The following DACH2 variants were observed in gnomAD, a reference collection of about 807,000 sequenced individuals.
The protein encoded by DACH2 is dachshund family transcription factor 2, also known as dachshund homolog 2.
A neutral mutation model predicts 35.8 loss-of-function variants in DACH2; 17 were observed. That is an observed-to-expected ratio of 0.48 (90% CI 0.33 to 0.71). The LOEUF (loss-of-function observed/expected upper bound fraction) is 0.71, where lower values mean the gene tolerates loss of function less well. DACH2 is among the 30% of genes least tolerant of loss of function. DACH2 has a pLI of 0.02. For missense variants in DACH2, 469 were observed against 472.7 expected (o/e 0.99, Z 0.07); for synonymous variants, 195 against 177.3 (o/e 1.10, Z -0.79).
chrX:86,404,734 C>T (rs1471647253), intron 2 of DACH2, among the ~76,000 whole-genome samples: 1 of 112,226 alleles, frequency 8.9e-6, no homozygotes, highest in African/African-American at 3.2e-5. Flanking sequence ...AGTCAGTGCC[C>T]CTGTGGAAAC....
intron 1 of DACH2, among the ~76,000 whole-genome samples, chrX:86,252,989 G>GATGATATGATT (rs762824906): frequency 1.2e-4 from 13 of 110,904 alleles, no homozygotes; most frequent in African/African-American, 3.9e-4. Context: ...ACTGTTTGCA[G>GATGATATGATT]ATGATATGAT....
intron 2 of DACH2, among the ~76,000 whole-genome samples, chrX:86,392,040 T>C (rs1349173562): frequency 9.0e-6 from 1 of 111,170 alleles, no homozygotes; most frequent in African/African-American, 3.3e-5. Context: ...GTTTGTTACA[T>C]AAGTATGCAT....
chrX:86,316,921 C>T (rs1393909208), intron 1 of DACH2, among the ~76,000 whole-genome samples: 2 of 109,999 alleles, frequency 1.8e-5, no homozygotes, highest in Non-Finnish European at 3.8e-5. Flanking sequence ...AGTTCAATAC[C>T]ACCCTGGCCA....
At chrX:86,192,609 A>G (rs1291191348) in intron 1 of DACH2, among the ~76,000 whole-genome samples, 1 of 112,062 alleles carries the variant, frequency 8.9e-6, no homozygotes, top group Non-Finnish European at 1.9e-5. Context: ...CATTGTTGCT[A>G]TAAATTGTTA....
intron 5 of DACH2, among the ~76,000 whole-genome samples, chrX:86,710,652 A>G (rs2041268492): frequency 8.9e-6 from 1 of 111,948 alleles, no homozygotes; most frequent in African/African-American, 3.2e-5. Context: ...CATTAACATG[A>G]GTGAAGGCTA....
intron 1 of DACH2, among the ~76,000 whole-genome samples, chrX:86,225,557 C>A (rs1189538682): frequency 9.1e-6 from 1 of 110,458 alleles, no homozygotes; most frequent in African/African-American, 3.3e-5. Context: ...ATGTGATTAT[C>A]TTTTGCTTCA....
intron 3 of DACH2, among the ~76,000 whole-genome samples, chrX:86,557,015 G>C (rs1328852345): frequency 9.2e-6 from 1 of 108,204 alleles, no homozygotes; most frequent in Admixed American, 1.0e-4. Flanking sequence ...AGAACTGAAG[G>C]GGGCTGCTGG....
chrX:86,229,942 A>T (rs2032912669), intron 1 of DACH2, among the ~76,000 whole-genome samples: 1 of 110,769 alleles, frequency 9.0e-6, no homozygotes, highest in East Asian at 2.8e-4. Flanking sequence ...CTTTTTACTG[A>T]TTTGGATGCC....
intron 1 of DACH2, among the ~76,000 whole-genome samples, chrX:86,247,543 A>G (rs2033311173): frequency 1.8e-5 from 2 of 111,712 alleles, no homozygotes; most frequent in African/African-American, 6.5e-5. Context: ...GAAACATACA[A>G]CTTCTCAAGA....
At chrX:86,499,393 G>A (rs755704096) in intron 2 of DACH2, among the ~76,000 whole-genome samples, 19 of 111,603 alleles carry the variant, frequency 1.7e-4, no homozygotes, top group Non-Finnish European at 1.9e-5. Context: ...AAACTGATCA[G>A]TATGGAGGCA....
At chrX:86,794,626 A>T (rs2042217828) in intron 7 of DACH2, among the ~76,000 whole-genome samples, 1 of 111,697 alleles carries the variant, frequency 9.0e-6, no homozygotes, top group African/African-American at 3.2e-5. Flanking sequence ...GACAATGTTT[A>T]AAAAGCTACA....
At chrX:86,633,246 A>T (rs1175075254) in intron 3 of DACH2, among the ~76,000 whole-genome samples, 1 of 111,652 alleles carries the variant, frequency 9.0e-6, no homozygotes, top group Non-Finnish European at 1.9e-5. Flanking sequence ...CCAAATAAAC[A>T]TAATTAAAAA....
At chrX:86,491,705 G>A (rs908127652) in intron 2 of DACH2, among the ~76,000 whole-genome samples, 5 of 111,549 alleles carry the variant, frequency 4.5e-5, no homozygotes, top group African/African-American at 1.6e-4. Context: ...TGTTCTCAAT[G>A]TTTAAGAAAG....
chrX:86,434,367 T>A (rs1465857352), intron 2 of DACH2, among the ~76,000 whole-genome samples: 2 of 111,779 alleles, frequency 1.8e-5, no homozygotes, highest in Non-Finnish European at 3.8e-5. Context: ...TTTTAAAGTG[T>A]ACCTTTTTAA....
intron 1 of DACH2, among the ~76,000 whole-genome samples, chrX:86,168,697 A>G (rs2147871040): frequency 9.4e-6 from 1 of 106,683 alleles, no homozygotes; most frequent in Admixed American, 1.0e-4. Context: ...TGAGTTTACC[A>G]TGAGCTTTGC....
chrX:86,237,063 G>A (rs1366311621), intron 1 of DACH2, among the ~76,000 whole-genome samples: 1 of 111,484 alleles, frequency 9.0e-6, no homozygotes, highest in African/African-American at 3.3e-5. Flanking sequence ...TTTTAAAACA[G>A]TTTAAACTTT....
At chrX:86,207,049 C>G (rs2032330756) in intron 1 of DACH2, among the ~76,000 whole-genome samples, 1 of 111,624 alleles carries the variant, frequency 9.0e-6, no homozygotes, top group Non-Finnish European at 1.9e-5. Context: ...AAATAGTATA[C>G]ATTTTCAAGT....
chrX:86,760,811 G>A (rs766843098), intron 7 of DACH2, among the ~76,000 whole-genome samples: 1 of 108,275 alleles, frequency 9.2e-6, no homozygotes, highest in Admixed American at 9.8e-5. Flanking sequence ...TGTGTCCTTA[G>A]GTTGATAGCT....
chrX:86,799,602 A>G lies in DACH2; in HGVS notation c.1241-13254A>G, dbSNP rs766066040. Reference sequence around the variant, plus strand: ...GGTAGCTTGAAGACTTCAGGCTCAAACTACTTTAGAGCTAATCTGAGAGAG... The same window carrying G: ...GGTAGCTTGAAGACTTCAGGCTCAAGCTACTTTAGAGCTAATCTGAGAGAG... On this transcript the variant is annotated intron_variant, in intron 7 of 11. Coordinates refer to ENST00000373125, the MANE Select transcript of DACH2 (RefSeq NM_053281.3). Among the ~76,000 whole-genome samples, 3 of 112,054 alleles carry G rather than the reference A, an allele frequency of 2.7e-5. No homozygotes were observed. The South Asian group carries it at 1.1e-3, about 42-fold the overall frequency.
Sources: gnomAD v4.1 joint callset for allele counts (sites outside exome capture counted in the v4.1 genomes callset) on GRCh38, gnomAD v4.1.1 for gene constraint, MANE v1.5 for transcripts, NCBI Gene and HGNC (gene_info 2026-07-23, HGNC 2026-07-21) for gene names.